Variants in CELF4 observed in about 807,000 individuals in gnomAD.
CELF4 encodes CUG-BP- and ETR-3-like factor 4.
CELF4 carries 18 observed loss-of-function variants against 59.9 expected under a neutral mutation model. The ratio of observed to expected loss-of-function variants is 0.30; its 90% confidence interval spans 0.21 to 0.45. The LOEUF is 0.45. Among genes scored for constraint, CELF4 ranks in the 20% least tolerant of loss-of-function variants. The pLI, the probability that CELF4 is intolerant of heterozygous loss-of-function variation, is 1.00. For missense variants in CELF4, 456 were observed against 689.0 expected, an observed-to-expected ratio of 0.66 and a Z score of 3.79; for synonymous variants, 261 against 267.1, an observed-to-expected ratio of 0.98 and a Z score of 0.22.
intron 2 of CELF4, among the ~76,000 whole-genome samples, chr18:37,479,982 T>G (rs1277379927): frequency 2.6e-5 from 4 of 152,126 alleles, no homozygotes. Flanking sequence ...TGTCTGAGGC[T>G]CCCAGAAGCG....
chr18:37,537,365 C>T (rs752837369), intron 1 of CELF4, among the ~76,000 whole-genome samples: 32 of 152,302 alleles, frequency 2.1e-4, no homozygotes, highest in Non-Finnish European at 4.4e-4. Flanking sequence ...CTGGCATTCT[C>T]GGAGGAGAAT....
At chr18:37,359,100 A>AAAACC (rs1185931251) in intron 2 of CELF4, among the ~76,000 whole-genome samples, 7 of 150,762 alleles carry the variant, frequency 4.6e-5, no homozygotes, top group East Asian at 3.9e-4. Context: ...TGTCTCCAAA[A>AAAACC]AAAACAAAAC....
chr18:37,352,318 C>T (rs1372899906), intron 2 of CELF4, among the ~76,000 whole-genome samples: 1 of 152,106 alleles, frequency 6.6e-6, no homozygotes, highest in Non-Finnish European at 1.5e-5. Context: ...CTACATTTGT[C>T]CTCAATGTTA....
intron 3 of CELF4, among the ~76,000 whole-genome samples, chr18:37,306,505 T>C (rs2096411139): frequency 6.6e-6 from 1 of 152,230 alleles, no homozygotes; most frequent in Non-Finnish European, 1.5e-5. Context: ...GTGCTTTGAC[T>C]CCCAACTTCA....
At chr18:37,530,589 C>T (rs867548897) in intron 1 of CELF4, among the ~76,000 whole-genome samples, 1 of 152,164 alleles carries the variant, frequency 6.6e-6, no homozygotes, top group African/African-American at 2.4e-5. Flanking sequence ...AGGAGGTGTG[C>T]ACAAAGCTGG....
chr18:37,486,473 G>T (rs1292097517), intron 1 of CELF4, among the ~76,000 whole-genome samples: 1 of 152,186 alleles, frequency 6.6e-6, no homozygotes, highest in Non-Finnish European at 1.5e-5. Flanking sequence ...TGTCCTTTAG[G>T]TGTGGTGACA....
chr18:37,478,127 T>C (rs2099855667), intron 2 of CELF4, among the ~76,000 whole-genome samples: 1 of 152,204 alleles, frequency 6.6e-6, no homozygotes, highest in African/African-American at 2.4e-5. Context: ...CTCCTCTCCC[T>C]GTTGTCTTAA....
At chr18:37,315,752 C>T (rs762357612) in intron 3 of CELF4, among the ~76,000 whole-genome samples, 26 of 152,156 alleles carry the variant, frequency 1.7e-4, no homozygotes, top group Non-Finnish European at 3.7e-4. Context: ...GGAGATAGCA[C>T]GCATCTGCAG....
chr18:37,430,512 G>A (rs1603638752), intron 2 of CELF4, among the ~76,000 whole-genome samples: 2 of 152,172 alleles, frequency 1.3e-5, no homozygotes, highest in Non-Finnish European at 2.9e-5. Context: ...GTGTAGCGCA[G>A]TAACAGGCTA....
At chr18:37,388,040 G>A (rs189025505) in intron 2 of CELF4, among the ~76,000 whole-genome samples, 1 of 152,090 alleles carries the variant, frequency 6.6e-6, no homozygotes, top group East Asian at 1.9e-4. Context: ...TGCCACACTC[G>A]GTGGAAGGCA....
intron 2 of CELF4, among the ~76,000 whole-genome samples, chr18:37,426,256 G>A (rs1027290167): frequency 6.6e-6 from 1 of 152,304 alleles, no homozygotes; most frequent in Non-Finnish European, 1.5e-5. Context: ...TGTCTGCCAC[G>A]GACACTCTAG....
chr18:37,467,594 A>G (rs1377392665), intron 2 of CELF4, among the ~76,000 whole-genome samples: 3 of 152,106 alleles, frequency 2.0e-5, no homozygotes, highest in African/African-American at 7.2e-5. Flanking sequence ...CAGTGGAGAG[A>G]AAAAGGAGAG....
chr18:37,262,806 C>T lies in CELF4; in HGVS notation c.1249+1868G>A, dbSNP rs187789078. ...GCTTGGACTGTGGGGAAGGCAAGGG[C>T]AAGGCAGGCCCAGGGCTGCAGCCTG... On this transcript the variant is annotated intron_variant, in intron 10 of 12. Transcript: ENST00000420428. Among the ~76,000 whole-genome samples the T allele has an allele frequency of 4.6e-5, 7 of 152,264 alleles. No individual in the cohort carries two copies. In the East Asian group the frequency reaches 1.4e-3, roughly 29 times the overall value.
rs374390279 is a variant in CELF4 at position 37,278,905 on chromosome 18, G to A, written c.449-3662C>T. 2.6e-5 allele frequency among the ~76,000 whole-genome samples: 4 copies of A among 152,300 alleles called. No homozygotes were observed. The South Asian group carries it at 6.2e-4, about 24-fold the overall frequency. On this transcript the variant is annotated intron_variant, in intron 3 of 12. Coordinates refer to ENST00000420428, the MANE Select transcript of CELF4 (RefSeq NM_020180.4). ...CACTCTGCCCACCTCCTTTCTGTCC[G>A]CTTTCCTGAGGCACTGTCTCAAGCT...
chr18:37,491,432 C>T (rs1389061322), intron 1 of CELF4, among the ~76,000 whole-genome samples: 1 of 152,170 alleles, frequency 6.6e-6, no homozygotes, highest in Admixed American at 6.5e-5. Flanking sequence ...TAATCCCTTC[C>T]ATTTACCAGC....
intron 3 of CELF4, among the ~76,000 whole-genome samples, chr18:37,288,336 G>A (rs138171880): frequency 2.0e-5 from 3 of 152,324 alleles, no homozygotes; most frequent in Non-Finnish European, 4.4e-5. Flanking sequence ...GAGACGGCAG[G>A]TGTTGGCCCA....
At chr18:37,342,060 G>A (rs1427155814) in intron 2 of CELF4, among the ~76,000 whole-genome samples, 1 of 152,004 alleles carries the variant, frequency 6.6e-6, no homozygotes, top group Non-Finnish European at 1.5e-5. Flanking sequence ...CTCCTCTCAG[G>A]TGGAGGACAG....
intron 2 of CELF4, among the ~76,000 whole-genome samples, chr18:37,354,014 C>T (rs1373279827): frequency 6.6e-6 from 1 of 152,100 alleles, no homozygotes; most frequent in Non-Finnish European, 1.5e-5. Flanking sequence ...CTCGGCCTCC[C>T]AAAGTGCTGG....
chr18:37,426,775 G>C (rs1405220229), intron 2 of CELF4, among the ~76,000 whole-genome samples: 1 of 152,170 alleles, frequency 6.6e-6, no homozygotes, highest in Non-Finnish European at 1.5e-5. Flanking sequence ...CGTCGCCGCT[G>C]CCATGTGCGG....
Sources: gnomAD v4.1 joint callset for allele counts (sites outside exome capture counted in the v4.1 genomes callset) on GRCh38, gnomAD v4.1.1 for gene constraint, MANE v1.5 for transcripts, NCBI Gene and HGNC (gene_info 2026-07-23, HGNC 2026-07-21) for gene names.